The following PRDM5 variants were observed in gnomAD, a reference collection of about 807,000 sequenced individuals.
The protein encoded by PRDM5 is PR domain zinc finger protein 5.
Under a neutral mutation model 81.2 loss-of-function variants are expected in PRDM5, and 56 were observed. The ratio of observed to expected loss-of-function variants is 0.69; its 90% CI spans 0.56 to 0.86. The LOEUF (loss-of-function observed/expected upper bound fraction) is 0.86, where lower values mean the gene tolerates loss of function less well. Ranked by LOEUF, PRDM5 falls within the 40% of genes least tolerant of loss-of-function variation. The probability of loss-of-function intolerance (pLI) is 0.00; values close to 1 mark genes in which losing one functional copy is unlikely to be tolerated. For missense variants in PRDM5, 697 were observed against 770.1 expected, an observed-to-expected ratio of 0.91 and a Z score of 1.12; for synonymous variants, 267 against 256.4, an observed-to-expected ratio of 1.04 and a Z score of -0.39.
intron 4 of PRDM5, among the ~76,000 whole-genome samples, chr4:120,819,889 G>T (rs1033193905): frequency 2.6e-5 from 4 of 152,128 alleles, no homozygotes; most frequent in African/African-American, 9.7e-5. Context: ...TAAAGAAACA[G>T]AAGCATAAGC....
At chr4:120,741,661 G>A (rs1231566459) in intron 14 of PRDM5, among the ~76,000 whole-genome samples, 1 of 152,090 alleles carries the variant, frequency 6.6e-6, no homozygotes, top group Non-Finnish European at 1.5e-5. Context: ...AAAGAAAGGG[G>A]TGACGGACAG....
chr4:120,744,222 T>C (rs1157514107), intron 14 of PRDM5, among the ~76,000 whole-genome samples: 1 of 152,006 alleles, frequency 6.6e-6, no homozygotes, highest in African/African-American at 2.4e-5. Flanking sequence ...AAGATGTTCT[T>C]TGAAACCAAT....
intron 1 of PRDM5, 150 bp downstream of exon 1, chr4:120,922,366 C>A: frequency 9.4e-7 from 1 of 1,061,964 alleles, no homozygotes; most frequent in Non-Finnish European, 1.2e-6. Context: ...GCCCCGCGGT[C>A]CCCGGCCTTC....
intron 1 of PRDM5, among the ~76,000 whole-genome samples, chr4:120,917,594 T>C (rs1724338902): frequency 6.6e-6 from 1 of 151,326 alleles, no homozygotes; most frequent in Non-Finnish European, 1.5e-5. Flanking sequence ...TATAGAGTGA[T>C]AAAGATTGTT....
chr4:120,916,470 T>C (rs2148710678), intron 1 of PRDM5, among the ~76,000 whole-genome samples: 1 of 152,194 alleles, frequency 6.6e-6, no homozygotes, highest in Middle Eastern at 3.4e-3. Context: ...CAAAGACAAT[T>C]TGTCTTCATT....
At chr4:120,824,882 C>T (rs925991772) in intron 3 of PRDM5, among the ~76,000 whole-genome samples, 1 of 152,066 alleles carries the variant, frequency 6.6e-6, no homozygotes, top group Non-Finnish European at 1.5e-5. Context: ...GTTAATAGGG[C>T]TGTTTCTAAT....
At position 120,912,267 on chromosome 4, in the gene PRDM5, A is replaced by G. The variant is rs150309975; in HGVS notation, c.94-4710T>C. Among the ~76,000 whole-genome samples the G allele has an allele frequency of 6.6e-3, 1,009 of 152,352 alleles. 5 individuals carry two copies. The highest frequency in any genetic ancestry group is 0.01 in the Non-Finnish European group (702 of 68,022). On this transcript the variant is annotated intron_variant, in intron 1 of 15. Transcript: ENST00000264808. ...TTAACCCAATGTTGGCATCAGTAAC[A>G]GTGGGAAGCCAGATACATTATATGC...
chr4:120,760,135 G>A (rs1348456200), intron 13 of PRDM5, among the ~76,000 whole-genome samples: 5 of 152,202 alleles, frequency 3.3e-5, no homozygotes, highest in African/African-American at 1.2e-4. Flanking sequence ...ACATAAATTA[G>A]TAATATGGCT....
intron 2 of PRDM5, among the ~76,000 whole-genome samples, chr4:120,855,031 G>A (rs2148475685): frequency 6.6e-6 from 1 of 152,210 alleles, no homozygotes; most frequent in South Asian, 2.1e-4. Flanking sequence ...ATCATGCGGG[G>A]ACCAACAGAC....
At chr4:120,742,859 G>A (rs952900854) in intron 14 of PRDM5, among the ~76,000 whole-genome samples, 1 of 152,108 alleles carries the variant, frequency 6.6e-6, no homozygotes, top group Non-Finnish European at 1.5e-5. Context: ...CACTCTGCAG[G>A]ATATTATCCA....
chr4:120,873,834 A>AT (rs1561563533), intron 2 of PRDM5, among the ~76,000 whole-genome samples: 1 of 152,098 alleles, frequency 6.6e-6, no homozygotes, highest in Admixed American at 6.5e-5. Flanking sequence ...AAAGGTACTT[A>AT]TTTTTTCAGC....
chr4:120,685,982 T>A (rs1252017003), intron 1 of PRDM5, among the ~76,000 whole-genome samples: 1 of 152,012 alleles, frequency 6.6e-6, no homozygotes, highest in African/African-American at 2.4e-5. Context: ...CCCCTTAGTG[T>A]TCTCCTTGCA....
At chr4:120,686,015 G>A (rs1005879939) in intron 1 of PRDM5, among the ~76,000 whole-genome samples, 2 of 151,906 alleles carry the variant, frequency 1.3e-5, no homozygotes, top group Non-Finnish European at 2.9e-5. Context: ...TGTGAGATCT[G>A]GTTGTTTAGA....
chr4:120,920,950 A>G (rs1365380119), intron 1 of PRDM5, among the ~76,000 whole-genome samples: 3 of 152,224 alleles, frequency 2.0e-5, no homozygotes, highest in Non-Finnish European at 2.9e-5. Context: ...CATGAAAAAA[A>G]TAAACTGAAA....
chr4:120,907,980 G>A (rs1375665218), intron 1 of PRDM5, among the ~76,000 whole-genome samples: 1 of 152,240 alleles, frequency 6.6e-6, no homozygotes, highest in Non-Finnish European at 1.5e-5. Context: ...TGGACAAGAA[G>A]GACGTGGGCT....
chr4:120,913,619 C>T (rs1561709990), intron 1 of PRDM5, among the ~76,000 whole-genome samples: 1 of 152,200 alleles, frequency 6.6e-6, no homozygotes, highest in African/African-American at 2.4e-5. Flanking sequence ...CCCCTTCACC[C>T]TCAAACCTGT....
At chr4:120,896,461 CAT>C (rs1764624623) in intron 2 of PRDM5, 1 of 152,134 alleles carries the variant, frequency 6.6e-6, no homozygotes, top group Non-Finnish European at 1.5e-5. Context: ...TCTTCATTCG[CAT>C]TTCAAGCAGG....
At chr4:120,895,582 AAT>A (rs1359816364) in intron 2 of PRDM5, 3 of 152,326 alleles carry the variant, frequency 2.0e-5, no homozygotes, top group Non-Finnish European at 4.4e-5. Context: ...TCTTCATCAA[AAT>A]ATGTTTCAAG....
At chr4:120,719,533 T>C (rs1369900929) in intron 14 of PRDM5, among the ~76,000 whole-genome samples, 1 of 152,210 alleles carries the variant, frequency 6.6e-6, no homozygotes, top group Non-Finnish European at 1.5e-5. Context: ...AAAATATCTT[T>C]GATCTTAGGA....
Sources: allele counts gnomAD v4.1 joint callset (sites outside exome capture counted in the v4.1 genomes callset), GRCh38; gene constraint gnomAD v4.1.1; transcripts MANE v1.5; gene names NCBI Gene and HGNC (gene_info 2026-07-23, HGNC 2026-07-21).